Variants in COL4A5 observed in about 807,000 individuals in gnomAD.
COL4A5 encodes the protein collagen type IV alpha 5 chain.
COL4A5 carries 26 observed loss-of-function variants against 130.2 expected under a neutral mutation model. The observed-to-expected ratio is 0.20, with a 90% confidence interval of 0.15 to 0.28. The LOEUF (loss-of-function observed/expected upper bound fraction) is 0.28, where lower values mean the gene tolerates loss of function less well. COL4A5 is among the 10% of genes least tolerant of loss of function. The pLI, the probability that COL4A5 is intolerant of heterozygous loss-of-function variation, is 1.00. For synonymous variants in COL4A5, 496 were observed against 439.6 expected, an observed-to-expected ratio of 1.13 and a Z score of -1.60; for missense variants, 1,131 against 1,344.3, an observed-to-expected ratio of 0.84 and a Z score of 2.48.
At chrX:108,695,007 A>G (rs1345038155) in intron 51 of COL4A5, 86 bp downstream of exon 51, 1 of 775,123 alleles carries the variant, frequency 1.3e-6, no homozygotes. Flanking sequence ...AATCCCTGTC[A>G]TTTGCATAAT....
At chrX:108,479,474 G>A (rs867328425) in intron 1 of COL4A5, among the ~76,000 whole-genome samples, 4 of 112,181 alleles carry the variant, frequency 3.6e-5, no homozygotes, top group African/African-American at 6.5e-5. Context: ...GAAAGGGACC[G>A]TAGTGTTGCA....
At chrX:108,440,300 G>C in intron 1 of COL4A5, 94 bp downstream of exon 1, 2 of 590,532 alleles carry the variant, frequency 3.4e-6, no homozygotes. Flanking sequence ...TCTTCCTTTT[G>C]GCGTTGACTA....
chrX:108,441,633 C>A (rs900614134), intron 1 of COL4A5, among the ~76,000 whole-genome samples: 1 of 112,111 alleles, frequency 8.9e-6, no homozygotes, highest in Admixed American at 9.4e-5. Context: ...TGCAGAGCAT[C>A]TTAATGGGGG....
At chrX:108,634,329 G>C (rs1946317582) in intron 36 of COL4A5, among the ~76,000 whole-genome samples, 1 of 111,238 alleles carries the variant, frequency 9.0e-6, no homozygotes, top group Admixed American at 9.6e-5. Context: ...CCATTTGAGA[G>C]ACTCTAGATA....
At position 108,591,051 on chromosome X, in the gene COL4A5, A is replaced by T; in HGVS notation, c.1166-7A>T. 8.3e-7 allele frequency: 1 copy of T among 1,208,039 alleles called. No individual in the cohort carries two copies. The highest frequency in any genetic ancestry group is 1.1e-6 in the Non-Finnish European group (1 of 893,624). On this transcript the variant is annotated splice_polypyrimidine_tract_variant and splice_region_variant and intron_variant, in intron 19 of 52. Transcript: ENST00000328300. ...GAAATCATTTTGATCACTTTTTTGA[A>T]TCTTAGGGGCTGCAGTTATGGGTCC...
chrX:108,649,817 A>G (rs769736322), intron 36 of COL4A5, among the ~76,000 whole-genome samples: 11 of 111,766 alleles, frequency 9.8e-5, no homozygotes, highest in Non-Finnish European at 2.1e-4. Flanking sequence ...AGAAGATATC[A>G]TTGGAAAAAT....
At chrX:108,650,603 A>G (rs961318213) in intron 36 of COL4A5, among the ~76,000 whole-genome samples, 8 of 111,750 alleles carry the variant, frequency 7.2e-5, no homozygotes, top group African/African-American at 2.6e-4. Flanking sequence ...GGCCATTAAA[A>G]GGAATAAATT....
chrX:108,681,087 C>A, intron 46 of COL4A5, 131 bp downstream of exon 46: 1 of 527,525 alleles, frequency 1.9e-6, no homozygotes. Context: ...ATAAACAAGG[C>A]TCTGCCTTTA....
In COL4A5 at chrX:108,625,752, C is replaced by A. The variant is rs2067141621; in HGVS notation, c.3064C>A (p.Pro1022Thr). 8.3e-7 allele frequency: 1 copy of A among 1,208,811 alleles called. No homozygotes were observed. The highest frequency in any genetic ancestry group is 1.1e-6 in the Non-Finnish European group (1 of 892,955). Residue 1022 changes from proline to threonine, a missense_variant, in exon 35 of 53, where the codon CCT becomes ACT. Pro to Thr is a conservative substitution (Grantham distance 38). Coordinates refer to ENST00000328300, the MANE Select transcript of COL4A5 (RefSeq NM_033380.3). Reference sequence around the variant, plus strand: ...CCCTGGACAGCCAGGTCTTATAGGACCTCCTGGACTTAAAGGAACCATCGG... The same window carrying A: ...CCCTGGACAGCCAGGTCTTATAGGAACTCCTGGACTTAAAGGAACCATCGG... ...GLPGQPGLIG[P>T]PGLKGTIGDM...
chrX:108,560,287 A>T (rs2065881837), intron 3 of COL4A5, among the ~76,000 whole-genome samples: 1 of 111,878 alleles, frequency 8.9e-6, no homozygotes, highest in South Asian at 3.7e-4. Flanking sequence ...CTTATGATGG[A>T]TTGTTCTACT....
intron 36 of COL4A5, among the ~76,000 whole-genome samples, chrX:108,642,829 C>CT (rs2067497856): frequency 1.2e-5 from 1 of 85,858 alleles, no homozygotes; most frequent in African/African-American, 4.6e-5. Flanking sequence ...AAACAAGGCT[C>CT]TTTAACACTC....
chrX:108,595,551 T>C lies in COL4A5; in HGVS notation c.1466T>C (p.Ile489Thr), dbSNP rs2066499630. ...TGCTTCAACTGCATTGGAACTGGTA[T>C]TTCAGGGCCTCCAGGTCAACCTGGT... is the stretch of plus-strand genomic sequence containing the variant. ...DTCFNCIGTGISGPPGQPGLP... is the reference protein window; with the variant it reads ...DTCFNCIGTGTSGPPGQPGLP... The change falls in exon 22 of 53, where the codon ATT becomes ACT. Residue 489 changes from isoleucine (I) to threonine (T), a missense_variant. Transcript: ENST00000328300. 3 of 1,212,199 alleles carry C rather than the reference T, an allele frequency of 2.5e-6. No individual in the cohort carries two copies. The highest frequency in any genetic ancestry group is 2.2e-5 in the Admixed American group (1 of 46,111).
chrX:108,552,209 TA>T (rs747163014), intron 2 of COL4A5, among the ~76,000 whole-genome samples: 20 of 109,518 alleles, frequency 1.8e-4, no homozygotes, highest in East Asian at 2.9e-4. Flanking sequence ...TAAAAGTAGG[TA>T]AAAAAAAAAT....
intron 1 of COL4A5, among the ~76,000 whole-genome samples, chrX:108,465,421 A>AT (rs1370381009): frequency 9.1e-6 from 1 of 110,232 alleles, no homozygotes; most frequent in African/African-American, 3.3e-5. Context: ...ATCTTTGCCC[A>AT]TTTTTTTCAA....
intron 36 of COL4A5, 55 bp from the exon 37 acceptor site, chrX:108,655,276 A>T (rs899771647): frequency 8.5e-7 from 1 of 1,178,518 alleles, no homozygotes; most frequent in South Asian, 1.8e-5. Flanking sequence ...TTATGTTCTT[A>T]TACAATCTAA....
intron 36 of COL4A5, among the ~76,000 whole-genome samples, chrX:108,642,038 T>C (rs1445629534): frequency 9.0e-6 from 1 of 111,438 alleles, no homozygotes; most frequent in Non-Finnish European, 1.9e-5. Flanking sequence ...GACTTGGGGC[T>C]GTTAATAGGG....
intron 37 of COL4A5, among the ~76,000 whole-genome samples, chrX:108,656,547 G>A (rs1275445918): frequency 8.9e-6 from 1 of 111,739 alleles, no homozygotes; most frequent in Non-Finnish European, 1.9e-5. Context: ...GAATCACAGG[G>A]TAGGTGTACA....
chrX:108,680,298 A>G (rs1345679618), intron 44 of COL4A5, among the ~76,000 whole-genome samples: 1 of 111,759 alleles, frequency 8.9e-6, no homozygotes, highest in Non-Finnish European at 1.9e-5. Context: ...AACACAAGGT[A>G]TGTGACATTT....
At chrX:108,631,652 A>G in intron 36 of COL4A5, among the ~76,000 whole-genome samples, 1 of 111,719 alleles carries the variant, frequency 9.0e-6, no homozygotes, top group Non-Finnish European at 1.9e-5. Flanking sequence ...CAGTGCAATC[A>G]AATTAGAATT....
Sources: gnomAD v4.1 joint callset for allele counts (sites outside exome capture counted in the v4.1 genomes callset) on GRCh38, gnomAD v4.1.1 for gene constraint, MANE v1.5 for transcripts, NCBI Gene and HGNC (gene_info 2026-07-23, HGNC 2026-07-21) for gene names.